Variants in ERAP1 observed in about 807,000 individuals in gnomAD.
ERAP1 encodes endoplasmic reticulum aminopeptidase 1, also known as adipocyte-derived leucine aminopeptidase.
In ERAP1, 86 loss-of-function variants were observed where a neutral mutation model predicts 103.7. The ratio of observed to expected loss-of-function variants is 0.83; its 90% confidence interval spans 0.70 to 0.99. ERAP1 has a LOEUF of 0.99. Among genes scored for constraint, ERAP1 ranks in the 50% least tolerant of loss-of-function variants. ERAP1 has a pLI of 0.00. For missense variants in ERAP1, 1,009 were observed against 1,128.4 expected, an observed-to-expected ratio of 0.89 and a Z score of 1.52; for synonymous variants, 398 against 402.4, an observed-to-expected ratio of 0.99 and a Z score of 0.13.
chr5:96,850,158 A>C, the ERAP1 span, among the ~76,000 whole-genome samples: 2 of 152,318 alleles, frequency 1.3e-5, no homozygotes, highest in East Asian at 3.9e-4. Flanking sequence ...AAGAAAACAT[A>C]AGGGAAAAGC....
intron 18 of ERAP1, among the ~76,000 whole-genome samples, chr5:96,777,300 T>G (rs1414143916): frequency 1.3e-5 from 2 of 152,204 alleles, no homozygotes; most frequent in African/African-American, 4.8e-5. Context: ...ATTATCCTTT[T>G]CCCATAAATT....
At chr5:96,790,787 T>C in intron 8 of ERAP1, 144 bp from the exon 9 acceptor site, 1 of 752,500 alleles carries the variant, frequency 1.3e-6, no homozygotes, top group South Asian at 1.7e-5. Flanking sequence ...TGAAACAGAG[T>C]AAGCAGGTTA....
At chr5:96,923,473 T>C in the ERAP1 span, among the ~76,000 whole-genome samples, 5 of 152,212 alleles carry the variant, frequency 3.3e-5, no homozygotes, top group South Asian at 6.2e-4. Flanking sequence ...GGCGGGCAGA[T>C]CATGAGGTCA....
chr5:96,902,310 T>A, the ERAP1 span: 1 of 1,612,600 alleles, frequency 6.2e-7, no homozygotes, highest in Non-Finnish European at 8.5e-7. Flanking sequence ...ACTCCACGAG[T>A]TCTTCTAATG....
upstream of ERAP1, among the ~76,000 whole-genome samples, chr5:96,810,310 G>A (rs940963001): frequency 3.9e-5 from 6 of 152,162 alleles, no homozygotes; most frequent in Non-Finnish European, 7.3e-5. Flanking sequence ...GCACATTACC[G>A]AGCTTAGAAA....
chr5:96,898,469 C>T, the ERAP1 span, among the ~76,000 whole-genome samples: 3 of 150,132 alleles, frequency 2.0e-5, no homozygotes, highest in Non-Finnish European at 3.0e-5. Context: ...AGGCCTGGTG[C>T]GGTGGCTCAT....
At chr5:96,858,217 CTTT>C in the ERAP1 span, among the ~76,000 whole-genome samples, 36 of 137,092 alleles carry the variant, frequency 2.6e-4, no homozygotes, top group East Asian at 1.3e-3. Flanking sequence ...TGTTCTTCTT[CTTT>C]TTTTTTTTTT....
chr5:96,866,730 G>C, the ERAP1 span, among the ~76,000 whole-genome samples: 4 of 152,224 alleles, frequency 2.6e-5, no homozygotes, highest in Non-Finnish European at 4.4e-5. Flanking sequence ...CAGCCACCAG[G>C]AGGGACCTGC....
chr5:96,781,016 A>T (rs1775089065), intron 17 of ERAP1, 42 bp downstream of exon 17: 1 of 1,612,550 alleles, frequency 6.2e-7, no homozygotes, highest in Non-Finnish European at 8.5e-7. Flanking sequence ...CAGTAAGGTT[A>T]TGAACTTATC....
At chr5:96,841,619 C>A in the ERAP1 span, among the ~76,000 whole-genome samples, 3 of 152,182 alleles carry the variant, frequency 2.0e-5, no homozygotes, top group Non-Finnish European at 1.5e-5. Flanking sequence ...ACCTAGCTAA[C>A]CCAGAGAAGT....
the ERAP1 span, chr5:96,884,074 C>G: frequency 1.7e-6 from 1 of 572,058 alleles, no homozygotes; most frequent in Non-Finnish European, 2.9e-6. Flanking sequence ...ATCTATCTAT[C>G]TATCTATCAT....
chr5:96,778,198 A>T (rs1461929983), intron 18 of ERAP1, among the ~76,000 whole-genome samples: 1 of 152,238 alleles, frequency 6.6e-6, no homozygotes, highest in African/African-American at 2.4e-5. Context: ...AGGATGCAGC[A>T]GTGAATCAGG....
chr5:96,910,468 A>C, the ERAP1 span, among the ~76,000 whole-genome samples: 1 of 150,730 alleles, frequency 6.6e-6, no homozygotes, highest in Admixed American at 6.6e-5. Flanking sequence ...AAAAAAACTT[A>C]AAAAAAAACC....
At chr5:96,822,834 TCA>T in the ERAP1 span, 2 of 286,396 alleles carry the variant, frequency 7.0e-6, no homozygotes, top group Non-Finnish European at 1.4e-5. Flanking sequence ...GTTTATTATC[TCA>T]CAGTTTCTGA....
chr5:96,802,101 A>G (rs149189), intron 2 of ERAP1, among the ~76,000 whole-genome samples: 108,350 of 151,742 alleles, frequency 0.71, 39,331 homozygotes, highest in Non-Finnish European at 0.79. Context: ...AAAATGACAA[A>G]GTTTATCAAA....
chr5:96,808,482 G>A (rs1044850976), upstream of ERAP1, among the ~76,000 whole-genome samples: 1 of 151,924 alleles, frequency 6.6e-6, no homozygotes, highest in Non-Finnish European at 1.5e-5. Flanking sequence ...GCCTCGGAAA[G>A]AAACATGAAC....
the ERAP1 span, among the ~76,000 whole-genome samples, chr5:96,837,874 AT>A: frequency 6.6e-6 from 1 of 152,170 alleles, no homozygotes; most frequent in South Asian, 2.1e-4. Context: ...GAGCAGGAAG[AT>A]AAGCTTTCCC....
chr5:96,878,897 C>T, the ERAP1 span, among the ~76,000 whole-genome samples: 4 of 152,042 alleles, frequency 2.6e-5, no homozygotes, highest in African/African-American at 9.7e-5. Flanking sequence ...CACTGCATTC[C>T]AACCTGGACA....
the ERAP1 span, among the ~76,000 whole-genome samples, chr5:96,825,569 G>T: frequency 1.3e-5 from 2 of 152,146 alleles, no homozygotes; most frequent in African/African-American, 4.8e-5. Flanking sequence ...TTGACCTATA[G>T]CATGTGCTCC....
Sources: allele counts gnomAD v4.1 joint callset (sites outside exome capture counted in the v4.1 genomes callset), GRCh38; gene constraint gnomAD v4.1.1; transcripts MANE v1.5; gene names NCBI Gene and HGNC (gene_info 2026-07-23, HGNC 2026-07-21).